GATA2: variants seen among roughly 807,000 people sequenced by gnomAD.
The protein encoded by GATA2 is endothelial transcription factor GATA-2.
In GATA2, 6 loss-of-function variants were observed where a neutral mutation model predicts 35.7. That is an observed-to-expected ratio of 0.17 (90% CI 0.09 to 0.33). The LOEUF is 0.33. Ranked by LOEUF, GATA2 falls within the 10% of genes least tolerant of loss-of-function variation. GATA2 has a pLI of 1.00. For synonymous variants in GATA2, 313 were observed against 274.9 expected, an observed-to-expected ratio of 1.14 and a Z score of -1.37; for missense variants, 541 against 656.6, an observed-to-expected ratio of 0.82 and a Z score of 1.92.
intron 1 of GATA2, chr3:128,491,870 C>T (rs2068772418): frequency 6.6e-6 from 1 of 152,268 alleles, no homozygotes; most frequent in African/African-American, 2.4e-5. Flanking sequence ...CGAACAGCCA[C>T]GGTTTATTTG....
intron 2 of GATA2, 61 bp from the exon 3 acceptor site, chr3:128,486,429 G>A (rs574079625): frequency 4.5e-6 from 7 of 1,554,222 alleles, no homozygotes; most frequent in East Asian, 2.3e-5. Context: ...CAGAGCTAGG[G>A]ACGCCCCTGA....
chr3:128,489,718 G>C (rs2068749903), intron 1 of GATA2: 1 of 152,222 alleles, frequency 6.6e-6, no homozygotes. Flanking sequence ...CAACGCGTGC[G>C]GTCCCGCCGG....
rs1056951313 is a variant in GATA2 at position 128,488,595 on chromosome 3, G to T, written c.-45-1519C>A. 7 of 152,344 alleles carry T rather than the reference G, an allele frequency of 4.6e-5. No individual in the cohort carries two copies. Among genetic ancestry groups the T allele is most frequent in the East Asian group, 1.9e-4 (1 of 5,160 alleles). The allele number at this position is 152,344 out of a possible 1,614,324, so 9.4% of individuals were successfully genotyped here. Reference sequence around the variant, plus strand: ...GCACCCCTCCCCGGGCGTGGCCTTCGCAGGCCAACGGGCCCAATTGCCTGG... The same window carrying T: ...GCACCCCTCCCCGGGCGTGGCCTTCTCAGGCCAACGGGCCCAATTGCCTGG... On this transcript the variant is annotated intron_variant, in intron 1 of 5. Coordinates refer to ENST00000341105, the MANE Select transcript of GATA2 (RefSeq NM_032638.5). This position sits in a 1 kb window ranked among gnomAD's most constrained non-coding sequence, Gnocchi z 5.8.
Position 128,483,996 on chromosome 3 carries a change from T to A in GATA2, c.881A>T (p.Glu294Val), listed in dbSNP as rs1183274453. ...SKARSCSEGR[E>V]CVNCGATATP... is the part of the protein sequence containing the mutation. ...GGCTGTGGCCCCACAGTTGACACAC[T>A]CCCGGCCTTCTGCAGGGGAACAGGG... Residue 294 changes from glutamate to valine, a missense_variant, in exon 4 of 6, where the codon GAG (glutamate) becomes GTG (valine). By Grantham distance (121) the Glu-to-Val change is moderately radical (BLOSUM62 -2). Coordinates refer to ENST00000341105, the MANE Select transcript of GATA2 (RefSeq NM_032638.5). 2 of 1,613,252 alleles carry A rather than the reference T, an allele frequency of 1.2e-6. No homozygotes were observed. Among genetic ancestry groups the A allele is most frequent in the Non-Finnish European group, 8.5e-7 (1 of 1,179,928 alleles).
chr3:128,483,474 A>T (rs2068655949), intron 4 of GATA2, among the ~76,000 whole-genome samples: 1 of 152,194 alleles, frequency 6.6e-6, no homozygotes, highest in South Asian at 2.1e-4. Flanking sequence ...TGTTTTATTT[A>T]AATAAGCACG....
rs2068619272 is a variant in GATA2 at position 128,481,026 on chromosome 3, A to G, written c.1436T>C (p.Met479Thr). The G allele has an allele frequency of 1.3e-6, 2 of 1,575,588 alleles. No homozygotes were observed. The highest frequency in any genetic ancestry group is 1.7e-6 in the Non-Finnish European group (2 of 1,158,920). Residue 479 changes from methionine to threonine, a missense_variant, in exon 6 of 6, where the codon ATG becomes ACG. Physicochemically the swap from Met to Thr is moderately conservative, Grantham distance 81. Transcript: ENST00000341105. ...HPHPSSMVTA[M>T]G Reference sequence around the variant, plus strand: ...TCGACGTCCATCTGTTCCCTAGCCCATGGCGGTCACCATGCTGGACGGGTG... The same window carrying G: ...TCGACGTCCATCTGTTCCCTAGCCCGTGGCGGTCACCATGCTGGACGGGTG...
chr3:128,492,049 G>T (rs1037321154), intron 1 of GATA2: 7 of 152,278 alleles, frequency 4.6e-5, no homozygotes, highest in Non-Finnish European at 8.8e-5. Flanking sequence ...CTAGCACGGG[G>T]TGCCTGCGTA....
chr3:128,485,590 TG>T, intron 3 of GATA2, 136 bp downstream of exon 3: 2 of 1,117,610 alleles, frequency 1.8e-6, no homozygotes, highest in Non-Finnish European at 1.3e-6. Context: ...AAACATCTGC[TG>T]GGGGCTATTA....
chr3:128,492,039 C>T (rs1576753896), intron 1 of GATA2: 1 of 152,404 alleles, frequency 6.6e-6, no homozygotes, highest in East Asian at 1.9e-4. Flanking sequence ...TAAACGAATC[C>T]TAGCACGGGG....
rs1469437295 is a variant in GATA2 at position 128,486,196 on chromosome 3, A to G, written c.402T>C (p.Pro134=). The part of the protein sequence containing the change: ...TPLHPSAAGG[P]GGPLSVYPGA... ...CTGGGTACACAGAGAGTGGGCCTCC[A>G]GGGCCTCCAGCAGCTGAGGGGTGCA... The change falls in exon 3 of 6, where the codon CCT becomes CCC. Residue 134 remains proline (P), a synonymous_variant. Coordinates refer to ENST00000341105, the MANE Select transcript of GATA2 (RefSeq NM_032638.5). 2 of 1,561,088 alleles carry G rather than the reference A, an allele frequency of 1.3e-6. No individual in the cohort carries two copies. Among genetic ancestry groups the G allele is most frequent in the East Asian group, 2.4e-5 (1 of 42,394 alleles).
At position 128,480,617 on chromosome 3, in the gene GATA2, A is replaced by C; in HGVS notation, c.*402T>G. On this transcript the variant is annotated 3_prime_UTR_variant, in exon 6 of 6. Transcript: ENST00000341105. ...GTGGACCCGCCAATCCCGAGGAAGA[A>C]CCGGAGGACTTGGGACAGCTCAGAC... 3.6e-6 allele frequency: 1 copy of C among 274,686 alleles called. No individual in the cohort carries two copies. Among genetic ancestry groups the C allele is most frequent in the Non-Finnish European group, 6.9e-6 (1 of 145,602 alleles). 17.0% of individuals were successfully genotyped at this position (274,686 alleles called of 1,614,324 possible).
chr3:128,482,337 CCGATT>C (rs1037547988), intron 4 of GATA2, among the ~76,000 whole-genome samples: 7 of 152,112 alleles, frequency 4.6e-5, no homozygotes, highest in African/African-American at 1.7e-4. Flanking sequence ...GGATCTGGGG[CCGATT>C]CTGTGTCTCC....
intron 3 of GATA2, among the ~76,000 whole-genome samples, chr3:128,484,637 T>G (rs372984857): frequency 1.5e-5 from 2 of 133,936 alleles, no homozygotes; most frequent in East Asian, 2.1e-4. Context: ...GTGGCCTGGG[T>G]TTTTTTTGTT....
In GATA2 at chr3:128,493,113, T is replaced by G. The variant is rs1035451023; in HGVS notation, c.-260A>C. The G allele has an allele frequency of 4.6e-5, 7 of 152,392 alleles. No individual in the cohort carries two copies. The highest frequency in any genetic ancestry group is 1.9e-4 in the East Asian group (1 of 5,178). The allele number at this position is 152,392 out of a possible 1,614,324, so 9.4% of individuals were successfully genotyped here. ...CGACGGGGCCCTGCTAGGATGGATG[T>G]GGCGGCAGGCAATAGACAGACTTGA... On this transcript the variant is annotated 5_prime_UTR_variant, in exon 1 of 6. Coordinates refer to ENST00000341105, the MANE Select transcript of GATA2 (RefSeq NM_032638.5).
At chr3:128,483,465 G>T (rs1406686618) in intron 4 of GATA2, among the ~76,000 whole-genome samples, 2 of 152,188 alleles carry the variant, frequency 1.3e-5, no homozygotes, top group Non-Finnish European at 2.9e-5. Flanking sequence ...GTGAGTTTGT[G>T]TTTTATTTAA....
chr3:128,483,626 A>T (rs2068657711), intron 4 of GATA2, among the ~76,000 whole-genome samples: 1 of 152,232 alleles, frequency 6.6e-6, no homozygotes, highest in African/African-American at 2.4e-5. Context: ...ATCCCGGAGC[A>T]GAGTGGGGTG....
Position 128,481,616 on chromosome 3 carries a change from T to C in GATA2, c.1143+203A>G, listed in dbSNP as rs2713604. 0.69 allele frequency among the ~76,000 whole-genome samples: 105,238 copies of C among 151,788 alleles called. 36,637 individuals carry two copies. Among genetic ancestry groups the C allele is most frequent in the African/African-American group, 0.76 (31,447 of 41,404 alleles). On this transcript the variant is annotated intron_variant, in intron 5 of 5. Transcript: ENST00000341105. ...TTAAGCAGAGAAACCACTTCCCTAG[T>C]CCGAGACCCTGTCCTAGCCAGCTCC...
chr3:128,486,369 C>A lies in GATA2; in HGVS notation c.230-1G>T. On this transcript the variant is annotated splice_acceptor_variant, in intron 2 of 5. Coordinates refer to ENST00000341105, the MANE Select transcript of GATA2 (RefSeq NM_032638.5). LOFTEE classifies it high-confidence loss of function. Reference sequence around the variant, plus strand: ...CACATCTGGCCTCCGGTCAGGCGGGCTGCGGGCAAAGAGAGAGAGGATCAG... The same window carrying A: ...CACATCTGGCCTCCGGTCAGGCGGGATGCGGGCAAAGAGAGAGAGGATCAG... 6.3e-7 allele frequency: 1 copy of A among 1,598,948 alleles called. No individual in the cohort carries two copies.
chr3:128,491,272 A>G (rs1343016845), intron 1 of GATA2, among the ~76,000 whole-genome samples: 1 of 147,116 alleles, frequency 6.8e-6, no homozygotes, highest in Non-Finnish European at 1.5e-5. Flanking sequence ...CTTTGGGACC[A>G]TAAGTTTGCC....
Sources: allele counts gnomAD v4.1 joint callset (sites outside exome capture counted in the v4.1 genomes callset), GRCh38; gene constraint gnomAD v4.1.1; non-coding constraint Gnocchi (gnomAD v3.1); transcripts MANE v1.5; gene names NCBI Gene and HGNC (gene_info 2026-07-23, HGNC 2026-07-21).